ZSCAN5B: variants seen among roughly 807,000 people sequenced by gnomAD.
ZSCAN5B encodes the protein zinc finger and SCAN domain containing 5B.
In ZSCAN5B, 26 loss-of-function variants were observed where a neutral mutation model predicts 25.2. That is an observed-to-expected ratio of 1.03 (90% CI 0.76 to 1.43). The LOEUF is 1.43. Ranked by LOEUF, ZSCAN5B falls within the 40% of genes most tolerant of loss-of-function variation. ZSCAN5B has a pLI of 0.00. For missense variants in ZSCAN5B, 745 were observed against 622.1 expected (o/e 1.20, Z -2.10); for synonymous variants, 244 against 240.9 (o/e 1.01, Z -0.12).
intron 1 of ZSCAN5B, among the ~76,000 whole-genome samples, chr19:56,194,327 GCT>G (rs1252381363): frequency 5.9e-5 from 9 of 151,718 alleles, no homozygotes; most frequent in Admixed American, 1.3e-4. Flanking sequence ...ACAGGGTCTT[GCT>G]CTGTCATCCA....
At chr19:56,197,368 G>A (rs1269261063) in intron 1 of ZSCAN5B, among the ~76,000 whole-genome samples, 1 of 152,024 alleles carries the variant, frequency 6.6e-6, no homozygotes, top group African/African-American at 2.4e-5. Context: ...CTCCTGAATA[G>A]CGGGTATTAC....
exon 2 of ZSCAN5B, chr19:56,192,916 T>C: frequency 6.2e-7 from 1 of 1,614,138 alleles, no homozygotes; most frequent in East Asian, 2.2e-5. Context: ...CATCCTGAAA[T>C]TCATGTGCCA....
At chr19:56,191,772 A>T in intron 3 of ZSCAN5B, 78 bp downstream of exon 3, 2 of 1,460,614 alleles carry the variant, frequency 1.4e-6, no homozygotes, top group Non-Finnish European at 1.9e-6. Context: ...CAAATCTCTC[A>T]ATCAGTTCTG....
At chr19:56,190,903 G>A in exon 4 of ZSCAN5B, 1 of 1,614,136 alleles carries the variant, frequency 6.2e-7, no homozygotes, top group Non-Finnish European at 8.5e-7. Context: ...TTTTCCTTCA[G>A]ATCCTTCTCC....
At chr19:56,190,426 T>C (rs1159059665) in exon 5 of ZSCAN5B, 1 of 1,614,130 alleles carries the variant, frequency 6.2e-7, no homozygotes, top group Non-Finnish European at 8.5e-7. Context: ...TTGCTTCTTT[T>C]GGGACTGCTC....
At chr19:56,196,440 G>T (rs1041661724) in intron 1 of ZSCAN5B, among the ~76,000 whole-genome samples, 1 of 152,152 alleles carries the variant, frequency 6.6e-6, no homozygotes, top group African/African-American at 2.4e-5. Context: ...GCAATGTACC[G>T]TATACTTGGA....
intron 1 of ZSCAN5B, among the ~76,000 whole-genome samples, chr19:56,195,731 T>C (rs971914782): frequency 6.6e-6 from 1 of 152,172 alleles, no homozygotes; most frequent in East Asian, 1.9e-4. Flanking sequence ...CTGGGTACTA[T>C]CCTCATATCC....
At chr19:56,196,092 C>A (rs896804570) in intron 1 of ZSCAN5B, among the ~76,000 whole-genome samples, 1 of 151,860 alleles carries the variant, frequency 6.6e-6, no homozygotes, top group Non-Finnish European at 1.5e-5. Flanking sequence ...TCACTCTATC[C>A]CCCAGGCTGC....
At chr19:56,192,551 G>C in intron 2 of ZSCAN5B, 118 bp downstream of exon 2, 1 of 1,493,138 alleles carries the variant, frequency 6.7e-7, no homozygotes. Flanking sequence ...CCCTCTGCCT[G>C]TCCATCTCCT....
At chr19:56,190,494 C>T (rs1355022306) in exon 5 of ZSCAN5B, 1 of 1,613,982 alleles carries the variant, frequency 6.2e-7, no homozygotes, top group Admixed American at 1.7e-5. Flanking sequence ...CTCCACAACG[C>T]AGGCAGAAGG....
At chr19:56,195,761 T>C (rs1362996184) in intron 1 of ZSCAN5B, among the ~76,000 whole-genome samples, 2 of 152,194 alleles carry the variant, frequency 1.3e-5, no homozygotes, top group African/African-American at 2.4e-5. Context: ...GGTTCAGTGA[T>C]ACCCAAAACC....
At chr19:56,192,709 A>C in exon 2 of ZSCAN5B, 1 of 1,587,972 alleles carries the variant, frequency 6.3e-7, no homozygotes, top group Middle Eastern at 2.3e-4. Context: ...CAGGTCCTCC[A>C]GGTCTTTGCA....
intron 1 of ZSCAN5B, among the ~76,000 whole-genome samples, chr19:56,196,248 C>T (rs1221379145): frequency 1.3e-5 from 2 of 151,960 alleles, no homozygotes; most frequent in African/African-American, 2.4e-5. Context: ...GATGGGGTCT[C>T]GCCATGTAGG....
chr19:56,190,372 C>T, exon 5 of ZSCAN5B: 1 of 1,614,146 alleles, frequency 6.2e-7, no homozygotes, highest in Non-Finnish European at 8.5e-7. Context: ...ACAGGTGTGG[C>T]TTCTCCTTGA....
exon 3 of ZSCAN5B, chr19:56,192,007 T>C: frequency 6.2e-7 from 1 of 1,613,792 alleles, no homozygotes; most frequent in Non-Finnish European, 8.5e-7. Context: ...CATCTCGACA[T>C]CTGAGTTCAG....
intron 1 of ZSCAN5B, among the ~76,000 whole-genome samples, chr19:56,196,595 ATATATT>A (rs1352174494): frequency 2.0e-5 from 3 of 152,014 alleles, no homozygotes; most frequent in African/African-American, 7.3e-5. Flanking sequence ...ATACACCATT[ATATATT>A]TATATTTCTC....
chr19:56,196,800 A>C (rs750125544), intron 1 of ZSCAN5B, among the ~76,000 whole-genome samples: 54 of 152,224 alleles, frequency 3.5e-4, no homozygotes, highest in Non-Finnish European at 6.9e-4. Flanking sequence ...TACATTTTTT[A>C]AAAGCATACA....
Position 56,193,991 on chromosome 19 carries a change from G to C in ZSCAN5B, c.-127-812C>G, listed in dbSNP as rs191925232. 1.9e-4 allele frequency among the ~76,000 whole-genome samples: 29 copies of C among 150,902 alleles called. 1 individual carries two copies. The East Asian group carries it at 5.7e-3, about 29-fold the overall frequency. ...AAAAAAAAAATCCTATGAGAATTAA[G>C]CTCCTGCACAGATATGTGGTTGTTT... On this transcript the variant is annotated intron_variant, in intron 1 of 4. Coordinates refer to ENST00000586855, the Ensembl canonical transcript of ZSCAN5B.
intron 3 of ZSCAN5B, among the ~76,000 whole-genome samples, 175 bp downstream of exon 3, chr19:56,191,675 T>A (rs1405624344): frequency 8.2e-6 from 1 of 121,362 alleles, no homozygotes; most frequent in Non-Finnish European, 1.6e-5. Context: ...GAAAAGTAGA[T>A]GAGGCTTCCC....
Sources: gnomAD v4.1 joint callset for allele counts (sites outside exome capture counted in the v4.1 genomes callset) on GRCh38, gnomAD v4.1.1 for gene constraint, MANE v1.5 for transcripts, NCBI Gene and HGNC (gene_info 2026-07-23, HGNC 2026-07-21) for gene names.